PARP6: variants seen among roughly 807,000 people sequenced by gnomAD.
The protein encoded by PARP6 is protein mono-ADP-ribosyltransferase PARP6.
In PARP6, 27 loss-of-function variants were observed where a neutral mutation model predicts 92.0. The observed-to-expected ratio is 0.29, with a 90% CI of 0.22 to 0.40. The LOEUF is 0.40. Among genes scored for constraint, PARP6 ranks in the 10% least tolerant of loss-of-function variants. The probability of loss-of-function intolerance (pLI) is 1.00; values close to 1 mark genes in which losing one functional copy is unlikely to be tolerated. For missense variants in PARP6, 501 were observed against 784.5 expected (o/e 0.64, Z 4.32); for synonymous variants, 272 against 281.2 (o/e 0.97, Z 0.33).
Position 72,256,570 on chromosome 15 carries a change from G to T in PARP6, c.1020C>A (p.Ala340=). 1 of 1,569,814 alleles carries T rather than the reference G, an allele frequency of 6.4e-7. No homozygotes were observed. Among genetic ancestry groups the T allele is most frequent in the Non-Finnish European group, 8.6e-7 (1 of 1,161,108 alleles). The part of the protein sequence containing the change: ...TGAEVVDLLV[A]MCRAALESPR... ...GGGACTCTAAAGCTGCCCTACACAT[G>T]GCCACCAGCAGATCCACCACCTTAG... is the stretch of plus-strand genomic sequence containing the variant. The change falls in exon 14 of 24, where the codon GCC becomes GCA. Residue 340 remains alanine, a synonymous_variant. Transcript: ENST00000569795.
rs775432289 is a variant in PARP6, at chr15:72,265,129, T to C, written c.280A>G (p.Ile94Val). 20 of 1,613,528 alleles carry C rather than the reference T, an allele frequency of 1.2e-5. No homozygotes were observed. The highest frequency in any genetic ancestry group is 1.0e-4 in the Admixed American group (6 of 59,988). Residue 94 changes from isoleucine to valine, a missense_variant, in exon 7 of 24, where the codon ATT becomes GTT. Around this residue, in one of 4 missense-constraint regions of PARP6, gnomAD observed 291 missense variants for 352.0 expected, o/e 0.83. Transcript: ENST00000569795. ...AGAGAAAATCGCAGCCTCAACACAATAGGTTCTGTCCGGAGGACCTTCCAG... is the reference window on the plus strand; with the variant it reads ...AGAGAAAATCGCAGCCTCAACACAACAGGTTCTGTCCGGAGGACCTTCCAG... The part of the protein sequence containing the change: ...TAWKVLRTEP[I>V]VLRLRFSLSQ...
intron 15 of PARP6, chr15:72,254,148 T>G (rs1174091231): frequency 4.3e-6 from 2 of 461,626 alleles, no homozygotes; most frequent in Non-Finnish European, 8.2e-6. Context: ...CTCCCAACCC[T>G]GGGCAGAGGT....
chr15:72,256,634 C>G (rs200323833), intron 13 of PARP6, 44 bp from the exon 14 acceptor site: 40 of 1,446,214 alleles, frequency 2.8e-5, no homozygotes, highest in Non-Finnish European at 3.7e-6. Context: ...TAAATGATTT[C>G]CCAGTACTGG....
Position 72,241,585 on chromosome 15 carries a change from T to C in PARP6, c.1791-28A>G, listed in dbSNP as rs750760928. ...GCCAAAGATAGGGCAAGTGTGAGCA[T>C]AAGAGGGAGAACAATACCAGAATAA... On this transcript the variant is annotated intron_variant, in intron 23 of 23. Coordinates refer to ENST00000569795, the MANE Select transcript of PARP6 (RefSeq NM_001323532.2). This position sits in a 1 kb window ranked among gnomAD's most constrained non-coding sequence, Gnocchi z 4.1. The C allele has an allele frequency of 1.3e-6, 2 of 1,504,542 alleles. No homozygotes were observed. The highest frequency in any genetic ancestry group is 2.3e-5 in the East Asian group (1 of 44,400). The allele number at this position is 1,504,542 out of a possible 1,614,324, so 93.2% of individuals were successfully genotyped here.
chr15:72,242,134 C>T lies in PARP6; in HGVS notation c.1705+23G>A. ...AACAAAGGTTAGAGACCCAGAAAAA[C>T]AGGACATGGGCAAGCTACCTACCTT... On this transcript the variant is annotated intron_variant, in intron 22 of 23. Transcript: ENST00000569795. The surrounding 1 kb of genome is among the most constrained non-coding windows in gnomAD (Gnocchi z 4.3). 6.2e-7 allele frequency: 1 copy of T among 1,607,244 alleles called. No homozygotes were observed. Among genetic ancestry groups the T allele is most frequent in the Non-Finnish European group, 8.5e-7 (1 of 1,173,728 alleles).
chr15:72,263,250 A>T (rs2086131603), intron 8 of PARP6, among the ~76,000 whole-genome samples: 1 of 152,214 alleles, frequency 6.6e-6, no homozygotes, highest in African/African-American at 2.4e-5. Context: ...TATATTCAAT[A>T]TATCTAAATC....
At chr15:72,252,464 A>G (rs1427551805) in intron 16 of PARP6, among the ~76,000 whole-genome samples, 1 of 152,164 alleles carries the variant, frequency 6.6e-6, no homozygotes, top group African/African-American at 2.4e-5. Context: ...ATATTTCAAA[A>G]CATCATGTTG....
intron 4 of PARP6, 134 bp from the exon 5 acceptor site, chr15:72,266,125 T>C (rs956124476): frequency 8.8e-6 from 6 of 681,226 alleles, no homozygotes; most frequent in Non-Finnish European, 1.6e-5. Context: ...TAAAAGCCAC[T>C]TATGTGAAGG....
At chr15:72,248,036 A>T (rs1219953885) in intron 20 of PARP6, among the ~76,000 whole-genome samples, 1 of 151,898 alleles carries the variant, frequency 6.6e-6, no homozygotes, top group Admixed American at 6.6e-5. Flanking sequence ...CTCCCAAAGT[A>T]CTGGGATTAC....
intron 15 of PARP6, chr15:72,254,130 T>G (rs2084740249): frequency 2.1e-6 from 1 of 477,024 alleles, no homozygotes; most frequent in East Asian, 5.6e-5. Context: ...GCCCCCCTCC[T>G]CCTCACCCTC....
intron 7 of PARP6, among the ~76,000 whole-genome samples, 164 bp from the exon 8 acceptor site, chr15:72,264,785 C>T (rs1384559629): frequency 2.0e-5 from 3 of 152,042 alleles, no homozygotes; most frequent in African/African-American, 7.2e-5. Context: ...GGCAGATTCT[C>T]GAAGCTGTCA....
At chr15:72,256,615 G>A in intron 13 of PARP6, 25 bp from the exon 14 acceptor site, 1 of 1,492,318 alleles carries the variant, frequency 6.7e-7, no homozygotes, top group East Asian at 2.6e-5. Flanking sequence ...AAAAAAACAG[G>A]GCAGAAGCTA....
intron 20 of PARP6, among the ~76,000 whole-genome samples, chr15:72,247,586 TTTAAGA>T (rs2083777090): frequency 6.6e-6 from 1 of 152,198 alleles, no homozygotes; most frequent in Non-Finnish European, 1.5e-5. Flanking sequence ...TCCTTGAAAG[TTTAAGA>T]TTAATTTGTA....
intron 14 of PARP6, among the ~76,000 whole-genome samples, chr15:72,255,549 C>T (rs1315749480): frequency 6.6e-6 from 1 of 152,086 alleles, no homozygotes; most frequent in Admixed American, 6.5e-5. Context: ...GAAGCCACTG[C>T]GCCCAGCCCA....
intron 2 of PARP6, among the ~76,000 whole-genome samples, chr15:72,269,127 G>A (rs1331046467): frequency 6.6e-6 from 1 of 152,136 alleles, no homozygotes; most frequent in Non-Finnish European, 1.5e-5. Context: ...ACCTCAAACA[G>A]AGGTGTTCTT....
chr15:72,241,892 G>A lies in PARP6; in HGVS notation c.1790+9C>T, dbSNP rs561936594. On this transcript the variant is annotated intron_variant, in intron 23 of 23. Transcript: ENST00000569795. The surrounding 1 kb of genome is among the most constrained non-coding windows in gnomAD (Gnocchi z 4.1). ...CTCGAGTAATCCCCAGAGTCCCTCC[G>A]ACACTTACACAAAGAAGAATCTTGT... 1.6e-5 allele frequency: 25 copies of A among 1,601,404 alleles called. No individual in the cohort carries two copies. The highest frequency in any genetic ancestry group is 1.3e-4 in the South Asian group (12 of 90,820).
intron 8 of PARP6, among the ~76,000 whole-genome samples, chr15:72,263,211 A>G (rs181450611): frequency 3.3e-4 from 51 of 152,270 alleles, no homozygotes; most frequent in Non-Finnish European, 2.4e-4. Flanking sequence ...ACCTAAATGT[A>G]TTTTCCACTA....
At chr15:72,254,342 A>AAT (rs1465862781) in intron 15 of PARP6, 113 bp downstream of exon 15, 5 of 732,902 alleles carry the variant, frequency 6.8e-6, no homozygotes, top group Non-Finnish European at 1.2e-5. Context: ...ACTAAAAAAA[A>AAT]AATACAGTGC....
At chr15:72,249,923 C>T (rs1406012506) in intron 19 of PARP6, 97 bp downstream of exon 19, 1 of 768,902 alleles carries the variant, frequency 1.3e-6, no homozygotes, top group Non-Finnish European at 2.3e-6. Context: ...GGCTTGAGGA[C>T]ACTGAGGCAA....
Sources: gnomAD v4.1 joint callset for allele counts (sites outside exome capture counted in the v4.1 genomes callset) on GRCh38, gnomAD v4.1.1 for gene constraint, gnomAD v4.1.1 regional missense constraint, Gnocchi (gnomAD v3.1) non-coding constraint, MANE v1.5 for transcripts, NCBI Gene and HGNC (gene_info 2026-07-23, HGNC 2026-07-21) for gene names.